DNAH1: variants seen among roughly 807,000 people sequenced by gnomAD.
DNAH1 encodes the protein dynein axonemal heavy chain 1, also known as axonemal beta dynein heavy chain 1.
In DNAH1, 327 loss-of-function variants were observed where a neutral mutation model predicts 484.3. That is an observed-to-expected ratio of 0.68 (90% confidence interval 0.62 to 0.74). The LOEUF (loss-of-function observed/expected upper bound fraction) is 0.74, where lower values mean the gene tolerates loss of function less well. DNAH1 is among the 30% of genes least tolerant of loss of function. The probability of loss-of-function intolerance (pLI) is 0.00; values close to 1 mark genes in which losing one functional copy is unlikely to be tolerated. For synonymous variants in DNAH1, 2,192 were observed against 2,191.9 expected (o/e 1.00, Z 0.00); for missense variants, 5,052 against 5,546.8 (o/e 0.91, Z 2.83).
chr3:52,395,977 C>T lies in DNAH1; in HGVS notation c.11259+299C>T, dbSNP rs1704606358. On this transcript the variant is annotated intron_variant, in intron 70 of 77. Transcript: ENST00000420323. The surrounding 1 kb of genome is among the most constrained non-coding windows in gnomAD (Gnocchi z 4.4). ...TTTTTCAGACGGAGTCTCACTCTGTCACCGGGGCTGGGGTGCAGTGGTGCA... is the reference window on the plus strand; with the variant it reads ...TTTTTCAGACGGAGTCTCACTCTGTTACCGGGGCTGGGGTGCAGTGGTGCA... Among the ~76,000 whole-genome samples the T allele has an allele frequency of 6.7e-6, 1 of 148,154 alleles. No homozygotes were observed. The highest frequency in any genetic ancestry group is 1.5e-5 in the Non-Finnish European group (1 of 67,404).
intron 66 of DNAH1, among the ~76,000 whole-genome samples, chr3:52,393,970 A>G (rs2153225662): frequency 6.6e-6 from 1 of 152,374 alleles, no homozygotes. Context: ...AAGGTTCAAG[A>G]AGGCCAATGT....
In DNAH1 at chr3:52,353,273, G is replaced by A. The variant is rs372372486; in HGVS notation, c.3198G>A (p.Lys1066=). The change falls in exon 19 of 78, where the codon AAG becomes AAA. Residue 1066 remains lysine, a synonymous_variant. Transcript: ENST00000420323. The surrounding 1 kb of genome is among the most constrained non-coding windows in gnomAD (Gnocchi z 5.0). ...NVVEAFKTMH[K]CVKQFKDMPA... ...TTGAAGCCTTCAAGACCATGCACAA[G>A]TGCGTGAAGCAGTTTAAGGACATGC... 1.7e-5 allele frequency: 27 copies of A among 1,613,964 alleles called. No homozygotes were observed. The highest frequency in any genetic ancestry group is 2.1e-5 in the Non-Finnish European group (25 of 1,179,898).
chr3:52,314,757 CAG>C (rs1379370518), upstream of DNAH1, among the ~76,000 whole-genome samples: 10 of 152,268 alleles, frequency 6.6e-5, no homozygotes, highest in East Asian at 1.7e-3. Flanking sequence ...CCAAGGCACT[CAG>C]GGAGTGTGTC....
Position 52,362,325 on chromosome 3 carries a change from C to T in DNAH1, c.4981-63C>T, listed in dbSNP as rs1702897062. 1 of 1,437,784 alleles carries T rather than the reference C, an allele frequency of 7.0e-7. No individual in the cohort carries two copies. Among genetic ancestry groups the T allele is most frequent in the African/African-American group, 1.4e-5 (1 of 71,328 alleles). 89.1% of individuals were successfully genotyped at this position (1,437,784 alleles called of 1,614,324 possible). A position where few individuals can be genotyped will look rare whatever the true frequency, so the allele number is the denominator to read the frequency against. On this transcript the variant is annotated intron_variant, in intron 30 of 77. Transcript: ENST00000420323. The surrounding 1 kb of genome is among the most constrained non-coding windows in gnomAD (Gnocchi z 5.1). Reference sequence around the variant, plus strand: ...GCATCAACAGGGGACAAGGGGCCCACTCAGAGGAGGGGACAAGGCTGGGCA... The same window carrying T: ...GCATCAACAGGGGACAAGGGGCCCATTCAGAGGAGGGGACAAGGCTGGGCA...
upstream of DNAH1, among the ~76,000 whole-genome samples, chr3:52,314,080 C>T (rs187812583): frequency 2.6e-4 from 39 of 152,246 alleles, no homozygotes; most frequent in Admixed American, 2.5e-3. Context: ...ACCCAGGCTC[C>T]CTGGAAGGTG....
At chr3:52,388,064 C>T (rs1704186060) in intron 56 of DNAH1, 103 bp from the exon 57 acceptor site, 5 of 1,428,182 alleles carry the variant, frequency 3.5e-6, no homozygotes, top group Non-Finnish European at 4.8e-6. Flanking sequence ...CTGCACAGGG[C>T]ATAAAAGCCA....
intron 60 of DNAH1, among the ~76,000 whole-genome samples, chr3:52,390,331 C>T (rs1048412270): frequency 6.6e-6 from 1 of 152,158 alleles, no homozygotes; most frequent in Non-Finnish European, 1.5e-5. Flanking sequence ...CAGGCATGGT[C>T]GTGCATGCCT....
intron 12 of DNAH1, 87 bp from the exon 13 acceptor site, chr3:52,348,801 C>A: frequency 6.9e-7 from 1 of 1,459,148 alleles, no homozygotes; most frequent in African/African-American, 1.4e-5. Flanking sequence ...GCTTGCCCTG[C>A]TCCTCGGGAG....
rs1304416252 is a variant in DNAH1 at position 52,398,891 on chromosome 3, A to T, written c.12131A>T (p.Asp4044Val). 1.9e-6 allele frequency: 3 copies of T among 1,593,154 alleles called. No homozygotes were observed. The East Asian group carries it at 6.7e-5, about 36-fold the overall frequency. ...LLQVITQTLQ[D>V]LLKALKGLVV... ...CAGGTGATCACACAGACACTGCAAG[A>T]CCTACTCAAGGCACTCAAGGGGCTG... The change falls in exon 76 of 78, where the codon GAC (aspartate) becomes GTC (valine). Residue 4044 changes from aspartate to valine, a missense_variant. Asp to Val is a radical substitution (Grantham distance 152). This residue lies in a region of DNAH1 where 853 missense variants were observed against 899.0 expected (regional missense o/e 0.95). Transcript: ENST00000420323.
At chr3:52,335,396 A>G (rs1259040621) in intron 8 of DNAH1, among the ~76,000 whole-genome samples, 5 of 135,938 alleles carry the variant, frequency 3.7e-5, no homozygotes, top group Admixed American at 2.2e-4. Context: ...CAAAAAAAGC[A>G]ATGTGTGATT....
chr3:52,383,271 C>G (rs538357756), intron 50 of DNAH1, 115 bp from the exon 51 acceptor site: 20 of 960,076 alleles, frequency 2.1e-5, no homozygotes, highest in Admixed American at 1.4e-4. Flanking sequence ...CTGGGCTTCT[C>G]TGAGCCTTAG....
rs1391365004 is a variant in DNAH1, at chr3:52,362,909, C to T, written c.5095-86C>T. The T allele has an allele frequency of 5.7e-6, 9 of 1,567,040 alleles. No homozygotes were observed. The highest frequency in any genetic ancestry group is 2.7e-5 in the African/African-American group (2 of 74,200). Reference sequence around the variant, plus strand: ...GGCTTGGTGCAGCAGGGAGTCCCAGCGTGTTAGGGAGGAGGGCCGGATGAA... The same window carrying T: ...GGCTTGGTGCAGCAGGGAGTCCCAGTGTGTTAGGGAGGAGGGCCGGATGAA... On this transcript the variant is annotated intron_variant, in intron 31 of 77. Coordinates refer to ENST00000420323, the MANE Select transcript of DNAH1 (RefSeq NM_015512.5). This position sits in a 1 kb window ranked among gnomAD's most constrained non-coding sequence, Gnocchi z 5.1.
At position 52,368,281 on chromosome 3, in the gene DNAH1, A is replaced by G. The variant is rs556407316; in HGVS notation, c.5766-460A>G. On this transcript the variant is annotated intron_variant, in intron 36 of 77. Coordinates refer to ENST00000420323, the MANE Select transcript of DNAH1 (RefSeq NM_015512.5). This position sits in a 1 kb window ranked among gnomAD's most constrained non-coding sequence, Gnocchi z 4.4. ...CACCTAGGAGAAGGTTCCGGAGCCT[A>G]AGGCTGGACCAAGCACAGCATCTTC... 1.3e-5 allele frequency among the ~76,000 whole-genome samples: 2 copies of G among 152,290 alleles called. No individual in the cohort carries two copies. Among genetic ancestry groups the G allele is most frequent in the East Asian group, 3.9e-4 (2 of 5,184 alleles).
chr3:52,338,666 C>CT (rs1383851909), intron 8 of DNAH1, among the ~76,000 whole-genome samples: 1 of 152,140 alleles, frequency 6.6e-6, no homozygotes, highest in Non-Finnish European at 1.5e-5. Flanking sequence ...TAGTTCACAA[C>CT]TTTTATTCTA....
At position 52,345,610 on chromosome 3, in the gene DNAH1, C is replaced by T. The variant is rs1217720846; in HGVS notation, c.1560C>T (p.Cys520=). 1 of 1,607,516 alleles carries T rather than the reference C, an allele frequency of 6.2e-7. No homozygotes were observed. Among genetic ancestry groups the T allele is most frequent in the Non-Finnish European group, 8.5e-7 (1 of 1,176,860 alleles). The change falls in exon 10 of 78, where the codon TGC becomes TGT. Residue 520 remains cysteine, a synonymous_variant. Coordinates refer to ENST00000420323, the MANE Select transcript of DNAH1 (RefSeq NM_015512.5). ...CCCTCAGCAAGGTGAGGGCCGAGTG[C>T]AACAAGGTGACCGCCATGTCCCTGT... is the stretch of plus-strand genomic sequence containing the variant. ...ITALSKVRAE[C]NKVTAMSLFH...
intron 51 of DNAH1, 37 bp downstream of exon 51, chr3:52,383,631 G>C: frequency 2.0e-6 from 3 of 1,517,850 alleles, no homozygotes; most frequent in Non-Finnish European, 2.7e-6. Flanking sequence ...CTGGGGCAGC[G>C]GAGCTGGGTG....
At chr3:52,397,395 T>C (rs1348778210) in intron 73 of DNAH1, among the ~76,000 whole-genome samples, 1 of 152,174 alleles carries the variant, frequency 6.6e-6, no homozygotes, top group African/African-American at 2.4e-5. Flanking sequence ...GGAGAAGCCA[T>C]GAGCCAGGGC....
chr3:52,378,636 C>G lies in DNAH1; in HGVS notation c.7233C>G (p.Pro2411=). 1.2e-6 allele frequency: 2 copies of G among 1,613,682 alleles called. No individual in the cohort carries two copies. The highest frequency in any genetic ancestry group is 1.1e-5 in the South Asian group (1 of 91,076). Residue 2411 remains proline (P), a synonymous_variant, in exon 47 of 78, where the codon CCC becomes CCG. Coordinates refer to ENST00000420323, the MANE Select transcript of DNAH1 (RefSeq NM_015512.5). ...GAPHIAHFTE[P]LVEATIMVYA... ...CCCACATTGCCCACTTCACGGAGCC[C>G]CTTGTGGAAGCCACCATCATGGTGT...
At chr3:52,384,676 G>A (rs973625429) in intron 52 of DNAH1, 110 bp from the exon 53 acceptor site, 17 of 1,135,892 alleles carry the variant, frequency 1.5e-5, no homozygotes, top group African/African-American at 1.1e-4. Flanking sequence ...AGGCATGGAG[G>A]TTCCTGCTGT....
Sources: gnomAD v4.1 joint callset for allele counts (sites outside exome capture counted in the v4.1 genomes callset) on GRCh38, gnomAD v4.1.1 for gene constraint, gnomAD v4.1.1 regional missense constraint, Gnocchi (gnomAD v3.1) non-coding constraint, MANE v1.5 for transcripts, NCBI Gene and HGNC (gene_info 2026-07-23, HGNC 2026-07-21) for gene names.